USP15: variants seen among roughly 807,000 people sequenced by gnomAD.
USP15 encodes ubiquitin carboxyl-terminal hydrolase 15.
USP15 carries 18 observed loss-of-function variants against 127.1 expected under a neutral mutation model. That is an observed-to-expected ratio of 0.14 (90% confidence interval 0.10 to 0.21). The LOEUF (loss-of-function observed/expected upper bound fraction) is 0.21, where lower values mean the gene tolerates loss of function less well. Among genes scored for constraint, USP15 ranks in the 10% least tolerant of loss-of-function variants. The pLI is 1.00. For missense variants in USP15, 805 were observed against 1,159.9 expected (o/e 0.69, Z 4.44); for synonymous variants, 364 against 393.7 (o/e 0.92, Z 0.89).
At chr12:62,331,445 TCC>T (rs2065297602) in intron 6 of USP15, among the ~76,000 whole-genome samples, 9 of 152,300 alleles carry the variant, frequency 5.9e-5, no homozygotes, top group Middle Eastern at 3.4e-3. Flanking sequence ...CATAGTGGCA[TCC>T]AGGGTTCCCA....
chr12:62,349,321 C>G lies in USP15; in HGVS notation c.770+14C>G, dbSNP rs1195179182. The G allele has an allele frequency of 2.1e-6, 3 of 1,431,598 alleles. No individual in the cohort carries two copies. In the African/African-American group the frequency reaches 4.4e-5, roughly 21 times the overall value. 88.7% of individuals were successfully genotyped at this position (1,431,598 alleles called of 1,614,324 possible). ...GAACAACAGAAAGTAAGCACTGAAT[C>G]TTAAAAACTCTTTGTTTAATTGATC... On this transcript the variant is annotated intron_variant, in intron 7 of 21. Transcript: ENST00000280377.
At chr12:62,326,290 G>A (rs2065120000) in intron 6 of USP15, among the ~76,000 whole-genome samples, 1 of 152,118 alleles carries the variant, frequency 6.6e-6, no homozygotes, top group Admixed American at 6.6e-5. Context: ...TGAATCTGAT[G>A]TGAAAGTAAT....
chr12:62,328,375 G>A (rs2065193754), intron 6 of USP15: 3 of 422,772 alleles, frequency 7.1e-6, no homozygotes, highest in South Asian at 1.7e-5. Flanking sequence ...TCAAGACATG[G>A]CAATGCCTGT....
At chr12:62,369,104 G>A (rs1254872879) in intron 8 of USP15, among the ~76,000 whole-genome samples, 2 of 152,146 alleles carry the variant, frequency 1.3e-5, no homozygotes, top group Non-Finnish European at 1.5e-5. Flanking sequence ...GAATGAGGTA[G>A]ACATATAAAT....
At position 62,352,817 on chromosome 12, in the gene USP15, A is replaced by G. The variant is rs189163567; in HGVS notation, c.771-2514A>G. Among the ~76,000 whole-genome samples the G allele has an allele frequency of 3.5e-4, 37 of 105,370 alleles. No homozygotes were observed. The East Asian group carries it at 9.2e-3, about 26-fold the overall frequency. The allele number at this position is 105,370 out of a possible 152,430, so 69.1% of individuals were successfully genotyped here. A position where few individuals can be genotyped will look rare whatever the true frequency, so the allele number is the denominator to read the frequency against. On this transcript the variant is annotated intron_variant, in intron 7 of 21. Coordinates refer to ENST00000280377, the MANE Select transcript of USP15 (RefSeq NM_001252078.2). ...AATCTGACATCTTTTATGGAAAGGT[A>G]AGGTTCAATTTCACAAAAAAAAAGT...
intron 3 of USP15, among the ~76,000 whole-genome samples, chr12:62,305,127 GAA>G (rs1392891926): frequency 6.6e-6 from 1 of 152,054 alleles, no homozygotes; most frequent in Non-Finnish European, 1.5e-5. Flanking sequence ...GGAGAGGAAA[GAA>G]AGAGTGGGTA....
At chr12:62,301,648 A>G (rs1390024094) in intron 2 of USP15, among the ~76,000 whole-genome samples, 1 of 152,218 alleles carries the variant, frequency 6.6e-6, no homozygotes, top group Non-Finnish European at 1.5e-5. Context: ...AGTAACAGAA[A>G]GCAAGTACTG....
intron 8 of USP15, among the ~76,000 whole-genome samples, chr12:62,363,672 C>T (rs913516484): frequency 6.6e-6 from 1 of 152,006 alleles, no homozygotes; most frequent in African/African-American, 2.4e-5. Context: ...AACACAGACA[C>T]CCTCTCCCCG....
chr12:62,325,880 G>C lies in USP15; in HGVS notation c.630G>C (p.Val210=). ...TTGTGTCATATTTGCAGGTATTAGT[G>C]ATAGAACAGAAAAATGAAGATGGAA... The part of the protein sequence containing the change: ...DAGLYQGQVL[V]IEQKNEDGTW... Residue 210 remains valine (V), a synonymous_variant, in exon 6 of 22, where the codon GTG becomes GTC. Transcript: ENST00000280377. 6.2e-7 allele frequency: 1 copy of C among 1,609,946 alleles called. No individual in the cohort carries two copies. Among genetic ancestry groups the C allele is most frequent in the Non-Finnish European group, 8.5e-7 (1 of 1,177,600 alleles).
chr12:62,337,883 A>G (rs893863738), intron 6 of USP15, among the ~76,000 whole-genome samples: 2 of 152,194 alleles, frequency 1.3e-5, no homozygotes, highest in South Asian at 4.1e-4. Flanking sequence ...GTCTATCAGG[A>G]TGGAGATTTG....
At chr12:62,307,023 A>G (rs901522268) in intron 3 of USP15, among the ~76,000 whole-genome samples, 9 of 152,198 alleles carry the variant, frequency 5.9e-5, no homozygotes, top group African/African-American at 2.2e-4. Context: ...GCAACCCCTT[A>G]GCTTTCTCAG....
rs1332497383 is a variant in USP15 at position 62,262,478 on chromosome 12, A to G, written c.89+1975A>G. ...AATCTGTAAGTCTATAAGTTAAAATATAAGTGTTATTGTCTCTCATTAATG... is the reference window on the plus strand; with the variant it reads ...AATCTGTAAGTCTATAAGTTAAAATGTAAGTGTTATTGTCTCTCATTAATG... On this transcript the variant is annotated intron_variant, in intron 1 of 21. Coordinates refer to ENST00000280377, the MANE Select transcript of USP15 (RefSeq NM_001252078.2). Among the ~76,000 whole-genome samples the G allele has an allele frequency of 2.6e-5, 4 of 152,198 alleles. No homozygotes were observed. The East Asian group carries it at 7.7e-4, about 29-fold the overall frequency.
chr12:62,357,130 A>G lies in USP15; in HGVS notation c.915+1655A>G, dbSNP rs551782034. Among the ~76,000 whole-genome samples the G allele has an allele frequency of 6.6e-5, 10 of 152,176 alleles. No homozygotes were observed. In the South Asian group the frequency reaches 2.1e-3, roughly 32 times the overall value. ...AATATTTCAACAACATAGGGATTCA[A>G]AATTTGAATCTGTCAGGAGAGCACA... On this transcript the variant is annotated intron_variant, in intron 8 of 21. Coordinates refer to ENST00000280377, the MANE Select transcript of USP15 (RefSeq NM_001252078.2).
chr12:62,346,830 C>G (rs530630705), intron 6 of USP15, among the ~76,000 whole-genome samples: 4 of 152,192 alleles, frequency 2.6e-5, no homozygotes, highest in Middle Eastern at 3.2e-3. Flanking sequence ...TCAGTACTTC[C>G]TAGTCTTTCA....
intron 8 of USP15, among the ~76,000 whole-genome samples, chr12:62,356,304 G>T (rs910734054): frequency 6.6e-6 from 1 of 151,666 alleles, no homozygotes; most frequent in Admixed American, 6.6e-5. Context: ...TGCCCAGGAG[G>T]CAGCCTCAAA....
At chr12:62,334,401 CAAAAT>C (rs2065396873) in intron 6 of USP15, among the ~76,000 whole-genome samples, 1 of 151,762 alleles carries the variant, frequency 6.6e-6, no homozygotes, top group Admixed American at 6.6e-5. Flanking sequence ...AGTAAGCAGT[CAAAAT>C]AAGGAAAAAT....
At chr12:62,336,684 A>G (rs2065476798) in intron 6 of USP15, 1 of 247,124 alleles carries the variant, frequency 4.0e-6, no homozygotes, top group African/African-American at 2.3e-5. Flanking sequence ...AAAATTACCA[A>G]AAAGTTGCAT....
Position 62,404,425 on chromosome 12 carries a change from A to G in USP15, c.*50A>G, listed in dbSNP as rs766477857. On this transcript the variant is annotated 3_prime_UTR_variant, in exon 22 of 22. Transcript: ENST00000280377. ...AGACACTTTCCTGCTGGTGGTATCT[A>G]TGGAAATGATGAAGTTACCCACCAC... 27 of 1,474,828 alleles carry G rather than the reference A, an allele frequency of 1.8e-5. No individual in the cohort carries two copies. Among genetic ancestry groups the G allele is most frequent in the Middle Eastern group, 1.8e-4 (1 of 5,428 alleles). The allele number at this position is 1,474,828 out of a possible 1,614,324, so 91.4% of individuals were successfully genotyped here. A position where few individuals can be genotyped will look rare whatever the true frequency, so the allele number is the denominator to read the frequency against.
chr12:62,359,546 A>G (rs528454530), intron 8 of USP15, among the ~76,000 whole-genome samples: 4 of 152,246 alleles, frequency 2.6e-5, no homozygotes, highest in Non-Finnish European at 4.4e-5. Context: ...TTAAAATTCA[A>G]CAAGTTAAGC....
Sources: allele counts gnomAD v4.1 joint callset (sites outside exome capture counted in the v4.1 genomes callset), GRCh38; gene constraint gnomAD v4.1.1; transcripts MANE v1.5; gene names NCBI Gene and HGNC (gene_info 2026-07-23, HGNC 2026-07-21).